SLC10A7: variants seen among roughly 807,000 people sequenced by gnomAD.
SLC10A7 encodes solute carrier family 10 member 7, also known as sodium/bile acid cotransporter 7.
SLC10A7 carries 29 observed loss-of-function variants against 43.2 expected under a neutral mutation model. The observed-to-expected ratio is 0.67, with a 90% CI of 0.50 to 0.92. The LOEUF (loss-of-function observed/expected upper bound fraction) is 0.92, where lower values mean the gene tolerates loss of function less well. SLC10A7 is among the 40% of genes least tolerant of loss of function. The pLI, the probability that SLC10A7 is intolerant of heterozygous loss-of-function variation, is 0.00. For missense variants in SLC10A7, 295 were observed against 403.2 expected (o/e 0.73, Z 2.30); for synonymous variants, 152 against 144.8 (o/e 1.05, Z -0.35).
At chr4:146,401,480 C>G (rs140575637) in intron 5 of SLC10A7, among the ~76,000 whole-genome samples, 1 of 152,148 alleles carries the variant, frequency 6.6e-6, no homozygotes, top group Admixed American at 6.5e-5. Flanking sequence ...GCCCAGGAGA[C>G]CTGCATAACC....
intron 6 of SLC10A7, among the ~76,000 whole-genome samples, chr4:146,318,789 C>T (rs1732495546): frequency 7.5e-6 from 1 of 133,954 alleles, no homozygotes; most frequent in African/African-American, 2.9e-5. Flanking sequence ...CTAAAATCTT[C>T]CCTATCTTAG....
intron 4 of SLC10A7, among the ~76,000 whole-genome samples, chr4:146,449,956 C>T (rs187010374): frequency 5.7e-4 from 86 of 152,066 alleles, no homozygotes; most frequent in Admixed American, 5.0e-3. Context: ...ATGAGATTGA[C>T]AGAGATGTCA....
intron 7 of SLC10A7, among the ~76,000 whole-genome samples, 155 bp from the exon 8 acceptor site, chr4:146,294,250 T>C (rs1489666028): frequency 6.6e-6 from 1 of 152,180 alleles, no homozygotes; most frequent in Non-Finnish European, 1.5e-5. Flanking sequence ...GCCACACTAC[T>C]CTTCTTCTGG....
chr4:146,332,812 T>C (rs545575275), intron 5 of SLC10A7, among the ~76,000 whole-genome samples: 4 of 152,318 alleles, frequency 2.6e-5, no homozygotes, highest in South Asian at 4.1e-4. Context: ...GACAGGAAGA[T>C]AGCACACTGA....
At chr4:146,352,652 C>A (rs1391739065) in intron 5 of SLC10A7, among the ~76,000 whole-genome samples, 2 of 121,930 alleles carry the variant, frequency 1.6e-5, no homozygotes, top group African/African-American at 6.4e-5. Context: ...CTCTCCTCAG[C>A]AAATGTAAAA....
chr4:146,315,432 G>A (rs1732260001), intron 6 of SLC10A7, among the ~76,000 whole-genome samples: 1 of 152,102 alleles, frequency 6.6e-6, no homozygotes. Flanking sequence ...AGTGATGTTA[G>A]ACACAGCAGA....
intron 4 of SLC10A7, among the ~76,000 whole-genome samples, chr4:146,497,311 C>T (rs537975486): frequency 1.3e-5 from 2 of 152,310 alleles, no homozygotes; most frequent in African/African-American, 4.8e-5. Flanking sequence ...AATTACCAGG[C>T]TTGGTTTTAA....
intron 4 of SLC10A7, among the ~76,000 whole-genome samples, chr4:146,467,305 GTTAA>G (rs1300024935): frequency 1.3e-5 from 2 of 152,024 alleles, no homozygotes; most frequent in Non-Finnish European, 2.9e-5. Context: ...TCAGTTTCCT[GTTAA>G]TTAATCATTT....
intron 5 of SLC10A7, among the ~76,000 whole-genome samples, chr4:146,329,641 G>A (rs779837980): frequency 3.9e-5 from 6 of 152,144 alleles, no homozygotes; most frequent in African/African-American, 4.8e-5. Flanking sequence ...TGTATTTTAA[G>A]AGTAAATCTG....
intron 5 of SLC10A7, among the ~76,000 whole-genome samples, chr4:146,331,596 TTAAA>T (rs1733540340): frequency 6.6e-6 from 1 of 152,204 alleles, no homozygotes; most frequent in Non-Finnish European, 1.5e-5. Context: ...CATTATTCAG[TTAAA>T]TAAATGTTTG....
At chr4:146,437,487 C>A (rs1730299116) in intron 5 of SLC10A7, among the ~76,000 whole-genome samples, 2 of 151,988 alleles carry the variant, frequency 1.3e-5, no homozygotes, top group Non-Finnish European at 2.9e-5. Context: ...TTTGTTCTGG[C>A]ATTTAAGTTT....
At chr4:146,375,850 C>T (rs1737156154) in intron 5 of SLC10A7, among the ~76,000 whole-genome samples, 2 of 152,100 alleles carry the variant, frequency 1.3e-5, no homozygotes, top group Non-Finnish European at 2.9e-5. Context: ...AGTGTCGGAT[C>T]CCACAGGTTG....
chr4:146,443,119 G>A (rs1730738566), intron 4 of SLC10A7, among the ~76,000 whole-genome samples: 1 of 152,134 alleles, frequency 6.6e-6, no homozygotes, highest in South Asian at 2.1e-4. Flanking sequence ...TTGAGACCAT[G>A]TTGCTATTGA....
chr4:146,282,479 C>G (rs769948462), intron 10 of SLC10A7, among the ~76,000 whole-genome samples: 1 of 152,044 alleles, frequency 6.6e-6, no homozygotes, highest in African/African-American at 2.4e-5. Context: ...ATGCCCACCA[C>G]CCCAAGGAGT....
chr4:146,491,659 G>T lies in SLC10A7; in HGVS notation c.396+12190C>A, dbSNP rs918300483. 4.0e-5 allele frequency among the ~76,000 whole-genome samples: 6 copies of T among 148,232 alleles called. No homozygotes were observed. The East Asian group carries it at 1.2e-3, about 30-fold the overall frequency. On this transcript the variant is annotated intron_variant, in intron 4 of 11. Coordinates refer to ENST00000335472, the MANE Select transcript of SLC10A7 (RefSeq NM_001029998.6). Reference sequence around the variant, plus strand: ...CTGTGTGAAGAAAGAAAGGAAGGAGGGAGAGAGGGAGGGAGGAAGGGAAGG... The same window carrying T: ...CTGTGTGAAGAAAGAAAGGAAGGAGTGAGAGAGGGAGGGAGGAAGGGAAGG...
At chr4:146,470,011 A>G (rs150839548) in intron 4 of SLC10A7, among the ~76,000 whole-genome samples, 26 of 152,292 alleles carry the variant, frequency 1.7e-4, no homozygotes, top group African/African-American at 5.3e-4. Context: ...TATTTACTCC[A>G]TGACGGGCTA....
At chr4:146,519,107 AT>A (rs1197679842) in intron 1 of SLC10A7, among the ~76,000 whole-genome samples, 5,290 of 30,166 alleles carry the variant, frequency 0.18, 674 homozygotes, top group East Asian at 0.32. Context: ...ATATATATAT[AT>A]ATATAATATA....
chr4:146,467,556 T>TTC (rs1245269230), intron 4 of SLC10A7, among the ~76,000 whole-genome samples: 28 of 110,766 alleles, frequency 2.5e-4, no homozygotes, highest in Non-Finnish European at 2.5e-4. Context: ...TCTTTTTTCT[T>TTC]TCTCTCTTTT....
intron 5 of SLC10A7, among the ~76,000 whole-genome samples, chr4:146,402,012 C>A (rs1294269962): frequency 6.6e-6 from 1 of 152,134 alleles, no homozygotes; most frequent in African/African-American, 2.4e-5. Context: ...CACATATAGA[C>A]ACTCAATTAT....
Sources: allele counts gnomAD v4.1 joint callset (sites outside exome capture counted in the v4.1 genomes callset), GRCh38; gene constraint gnomAD v4.1.1; transcripts MANE v1.5; gene names NCBI Gene and HGNC (gene_info 2026-07-23, HGNC 2026-07-21).